The following GALNT10 variants were observed in gnomAD, a reference collection of about 807,000 sequenced individuals.
GALNT10 encodes the protein polypeptide N-acetylgalactosaminyltransferase 10.
In GALNT10, 41 loss-of-function variants were observed where a neutral mutation model predicts 75.0. The ratio of observed to expected loss-of-function variants is 0.55; its 90% confidence interval spans 0.43 to 0.71. The LOEUF (loss-of-function observed/expected upper bound fraction) is 0.71, where lower values mean the gene tolerates loss of function less well. GALNT10 is among the 30% of genes least tolerant of loss of function. GALNT10 has a pLI of 0.00. For synonymous variants in GALNT10, 302 were observed against 313.0 expected (o/e 0.96, Z 0.37); for missense variants, 727 against 818.5 (o/e 0.89, Z 1.36).
intron 1 of GALNT10, among the ~76,000 whole-genome samples, chr5:154,219,136 C>T (rs557090018): frequency 6.6e-6 from 1 of 152,322 alleles, no homozygotes; most frequent in African/African-American, 2.4e-5. Flanking sequence ...CCCACCTGCT[C>T]GCCTTTGGCT....
intron 7 of GALNT10, among the ~76,000 whole-genome samples, chr5:154,394,059 C>G (rs1381607305): frequency 6.6e-5 from 10 of 152,136 alleles, no homozygotes; most frequent in Non-Finnish European, 1.3e-4. Flanking sequence ...CCCCACCGTC[C>G]TTGGCAAAAT....
At chr5:154,215,463 G>A (rs144865060) in intron 1 of GALNT10, among the ~76,000 whole-genome samples, 3,849 of 152,240 alleles carry the variant, frequency 0.025, 79 homozygotes, top group Middle Eastern at 0.13. Context: ...CAGCCTGGGC[G>A]ACAGAGCAAG....
intron 1 of GALNT10, among the ~76,000 whole-genome samples, chr5:154,290,158 C>T (rs191051322): frequency 3.9e-4 from 58 of 149,226 alleles, no homozygotes; most frequent in African/African-American, 1.3e-3. Flanking sequence ...GTTGCACAAT[C>T]GCGGCTCACC....
At chr5:154,205,534 T>C (rs1242638772) in intron 1 of GALNT10, among the ~76,000 whole-genome samples, 1 of 152,162 alleles carries the variant, frequency 6.6e-6, no homozygotes, top group African/African-American at 2.4e-5. Flanking sequence ...AGTGGGTAAA[T>C]GGGCTCATGG....
rs1756182249 is a variant in GALNT10, at chr5:154,402,190, CCCTGCGGGAG to C, written c.1057-1911_1057-1902del. On this transcript the variant is annotated intron_variant, in intron 7 of 11. Transcript: ENST00000297107. The surrounding 1 kb of genome is among the most constrained non-coding windows in gnomAD (Gnocchi z 4.2). The stretch of plus-strand genomic sequence containing the variant: ...GACTCCTTGTTCTGCCCCGTGAGGG[CCCTGCGGGAG>C]CCCTGCCCGCGTCTCTGGCCTCCCC... Among the ~76,000 whole-genome samples, 5 of 152,280 alleles carry C rather than the reference CCCTGCGGGAG, an allele frequency of 3.3e-5. No individual in the cohort carries two copies. In the South Asian group the frequency reaches 1.0e-3, roughly 32 times the overall value.
Position 154,412,633 on chromosome 5 carries a change from C to T in GALNT10, c.1387-256C>T, listed in dbSNP as rs116374848. The T allele has an allele frequency of 2.8e-3, 1,084 of 386,108 alleles. 11 individuals carry two copies. Among genetic ancestry groups the T allele is most frequent in the African/African-American group, 0.022 (1,016 of 46,732 alleles). The allele number at this position is 386,108 out of a possible 1,614,324, so 23.9% of individuals were successfully genotyped here. On this transcript the variant is annotated intron_variant, in intron 9 of 11. Transcript: ENST00000297107. The surrounding 1 kb of genome is among the most constrained non-coding windows in gnomAD (Gnocchi z 4.2). ...TTACCAACTCCTCACCTCCACTCCC[C>T]CACCACCAACCCAGGACTCTGCATA...
At chr5:154,289,832 T>A (rs1754167035) in intron 1 of GALNT10, among the ~76,000 whole-genome samples, 3 of 152,210 alleles carry the variant, frequency 2.0e-5, no homozygotes, top group Admixed American at 6.5e-5. Context: ...CTGATCTTTC[T>A]GTAAACCTCA....
rs1320982557 is a variant in GALNT10, at chr5:154,346,736, GC to G, written c.568+16999del. Among the ~76,000 whole-genome samples the G allele has an allele frequency of 3.3e-5, 5 of 151,936 alleles. No homozygotes were observed. The East Asian group carries it at 9.7e-4, about 29-fold the overall frequency. On this transcript the variant is annotated intron_variant, in intron 4 of 11. Transcript: ENST00000297107. ...TTGTGCCAATTTTTTTTTTAAAGAA[GC>G]TAAATGGAAGATTTAAACCTTAAGT...
At chr5:154,252,014 A>G (rs948734694) in intron 1 of GALNT10, among the ~76,000 whole-genome samples, 2 of 152,208 alleles carry the variant, frequency 1.3e-5, no homozygotes, top group Admixed American at 6.6e-5. Context: ...TCCTTTCTTT[A>G]TAGCAAGAGC....
intron 1 of GALNT10, chr5:154,220,469 C>G (rs1752961930): frequency 6.6e-6 from 1 of 152,152 alleles, no homozygotes; most frequent in Non-Finnish European, 1.5e-5. Flanking sequence ...AAGGGAAGGG[C>G]TGAAGAAACT....
At chr5:154,324,887 T>C (rs1754733503) in intron 3 of GALNT10, among the ~76,000 whole-genome samples, 1 of 152,034 alleles carries the variant, frequency 6.6e-6, no homozygotes, top group Non-Finnish European at 1.5e-5. Context: ...TTCTGTAAAA[T>C]GTTGTGGTGT....
chr5:154,216,283 A>G (rs1457129781), intron 1 of GALNT10, among the ~76,000 whole-genome samples: 1 of 152,186 alleles, frequency 6.6e-6, no homozygotes, highest in Non-Finnish European at 1.5e-5. Flanking sequence ...TATGTGTTAT[A>G]TACTGCATTT....
intron 1 of GALNT10, among the ~76,000 whole-genome samples, chr5:154,245,599 C>T (rs1182883066): frequency 1.3e-5 from 2 of 151,630 alleles, no homozygotes; most frequent in Admixed American, 6.6e-5. Flanking sequence ...ACTTTTATCA[C>T]TTTGTGATCT....
At chr5:154,211,869 G>T (rs576944367) in intron 1 of GALNT10, among the ~76,000 whole-genome samples, 2 of 152,154 alleles carry the variant, frequency 1.3e-5, no homozygotes, top group Non-Finnish European at 2.9e-5. Context: ...TCCAAGAGAC[G>T]GGGAGAGAGC....
intron 1 of GALNT10, among the ~76,000 whole-genome samples, chr5:154,195,124 A>G (rs553162511): frequency 3.5e-4 from 53 of 152,376 alleles, no homozygotes; most frequent in Non-Finnish European, 6.2e-4. Flanking sequence ...CATTTAAAAG[A>G]TAACCATCTA....
At chr5:154,346,031 T>C (rs1325557452) in intron 4 of GALNT10, among the ~76,000 whole-genome samples, 2 of 148,640 alleles carry the variant, frequency 1.3e-5, no homozygotes, top group South Asian at 4.3e-4. Flanking sequence ...ACTCCTGGGC[T>C]CAAGTGATCC....
intron 1 of GALNT10, among the ~76,000 whole-genome samples, chr5:154,237,130 A>C (rs1483138049): frequency 6.6e-6 from 1 of 152,142 alleles, no homozygotes; most frequent in Non-Finnish European, 1.5e-5. Flanking sequence ...GGATCTTGCA[A>C]GTGAGGAAGC....
intron 2 of GALNT10, 59 bp downstream of exon 2, chr5:154,294,977 TGTG>T (rs1754252009): frequency 4.5e-5 from 3 of 66,508 alleles, no homozygotes; most frequent in South Asian, 1.6e-4. Context: ...CACATATGCT[TGTG>T]TGTGTGTGTG....
chr5:154,204,939 C>G (rs1450299047), intron 1 of GALNT10, among the ~76,000 whole-genome samples: 1 of 152,186 alleles, frequency 6.6e-6, no homozygotes, highest in East Asian at 1.9e-4. Context: ...ATAGTGCTGG[C>G]ACATGGCAGG....
Sources: gnomAD v4.1 joint callset for allele counts (sites outside exome capture counted in the v4.1 genomes callset) on GRCh38, gnomAD v4.1.1 for gene constraint, Gnocchi (gnomAD v3.1) non-coding constraint, MANE v1.5 for transcripts, NCBI Gene and HGNC (gene_info 2026-07-23, HGNC 2026-07-21) for gene names.